CADPS2: variants seen among roughly 807,000 people sequenced by gnomAD.
CADPS2 encodes calcium dependent secretion activator 2.
In CADPS2, 93 loss-of-function variants were observed where a neutral mutation model predicts 172.5. The ratio of observed to expected loss-of-function variants is 0.54; its 90% CI spans 0.46 to 0.64. The LOEUF (loss-of-function observed/expected upper bound fraction) is 0.64. Among genes scored for constraint, CADPS2 ranks in the 30% least tolerant of loss-of-function variants. The pLI, the probability that CADPS2 is intolerant of heterozygous loss-of-function variation, is 0.00. For synonymous variants in CADPS2, 546 were observed against 555.2 expected, an observed-to-expected ratio of 0.98 and a Z score of 0.23; for missense variants, 1,420 against 1,565.9, an observed-to-expected ratio of 0.91 and a Z score of 1.57.
In CADPS2 at chr7:122,373,632, G is replaced by A. The variant is rs139775715; in HGVS notation, c.3387+5736C>T. Reference sequence around the variant, plus strand: ...AAAAGGTCACTGTTTTTCCAAAGGTGCAGATACCAATGTAAGGCTACAGGG... The same window carrying A: ...AAAAGGTCACTGTTTTTCCAAAGGTACAGATACCAATGTAAGGCTACAGGG... On this transcript the variant is annotated intron_variant, in intron 25 of 29. Transcript: ENST00000449022. Among the ~76,000 whole-genome samples, 182 of 152,194 alleles carry A rather than the reference G, an allele frequency of 1.2e-3. 1 individual carries two copies. Among genetic ancestry groups the A allele is most frequent in the African/African-American group, 4.3e-3 (177 of 41,524 alleles).
intron 2 of CADPS2, chr7:122,698,465 C>A (rs2085489120): frequency 6.2e-7 from 1 of 1,613,784 alleles, no homozygotes; most frequent in Non-Finnish European, 8.5e-7. Flanking sequence ...ATCATAACCA[C>A]AACGACATCT....
intron 13 of CADPS2, among the ~76,000 whole-genome samples, chr7:122,473,548 C>A (rs184673837): frequency 4.6e-4 from 70 of 152,246 alleles, no homozygotes; most frequent in Admixed American, 3.2e-3. Flanking sequence ...TGAAACAGTT[C>A]TGGTCCCAAG....
At chr7:122,482,594 T>G (rs2057417659) in intron 11 of CADPS2, among the ~76,000 whole-genome samples, 1 of 151,994 alleles carries the variant, frequency 6.6e-6, no homozygotes, top group Non-Finnish European at 1.5e-5. Flanking sequence ...TTACAAAAAG[T>G]TTATTAAACG....
At chr7:122,357,875 C>T (rs1041022291) in intron 27 of CADPS2, among the ~76,000 whole-genome samples, 4 of 152,062 alleles carry the variant, frequency 2.6e-5, no homozygotes, top group South Asian at 2.1e-4. Flanking sequence ...TATACATTGA[C>T]GTACTACAGG....
chr7:122,328,406 C>T (rs887541735), intron 28 of CADPS2: 1 of 152,072 alleles, frequency 6.6e-6, no homozygotes, highest in Non-Finnish European at 1.5e-5. Flanking sequence ...TTAGAAAGTG[C>T]CTTTTCACTT....
rs1304788926 is a variant in CADPS2 at position 122,482,355 on chromosome 7, G to A, written c.1853-1495C>T. On this transcript the variant is annotated intron_variant, in intron 11 of 29. Coordinates refer to ENST00000449022, the MANE Select transcript of CADPS2 (RefSeq NM_017954.11). ...ACCTGGGACCAGGTGGGAGACTATT[G>A]ATACCTAGTGGGTAGAGGACAGGGG... Among the ~76,000 whole-genome samples the A allele has an allele frequency of 2.0e-5, 3 of 152,088 alleles. No individual in the cohort carries two copies. The East Asian group carries it at 5.8e-4, about 29-fold the overall frequency.
chr7:122,619,368 G>T (rs1204520541), intron 5 of CADPS2, among the ~76,000 whole-genome samples: 1 of 151,100 alleles, frequency 6.6e-6, no homozygotes, highest in Non-Finnish European at 1.5e-5. Flanking sequence ...TCTCAAGCCT[G>T]TAATCCTAGC....
chr7:122,326,355 A>C (rs1409683848), intron 28 of CADPS2, among the ~76,000 whole-genome samples: 1 of 152,072 alleles, frequency 6.6e-6, no homozygotes, highest in Non-Finnish European at 1.5e-5. Context: ...TTCTTCTTTA[A>C]TGCAATTTTC....
chr7:122,419,823 C>T (rs1291641731), intron 17 of CADPS2, among the ~76,000 whole-genome samples: 1 of 150,932 alleles, frequency 6.6e-6, no homozygotes, highest in African/African-American at 2.5e-5. Context: ...TTTATTTCTC[C>T]TACATACTTC....
intron 20 of CADPS2, among the ~76,000 whole-genome samples, chr7:122,400,863 T>G (rs1452287456): frequency 6.6e-6 from 1 of 152,244 alleles, no homozygotes; most frequent in South Asian, 2.1e-4. Context: ...CCTTCCATAT[T>G]TCAAAGCTTG....
chr7:122,849,787 G>C (rs1813024207), intron 1 of CADPS2: 1 of 500,378 alleles, frequency 2.0e-6, no homozygotes, highest in African/African-American at 2.0e-5. Context: ...CCAGCCCCCA[G>C]CCCTCTCCCT....
chr7:122,380,149 T>TG (rs1491243546), intron 24 of CADPS2, among the ~76,000 whole-genome samples: 1 of 149,708 alleles, frequency 6.7e-6, no homozygotes, highest in East Asian at 2.0e-4. Context: ...CCTGAAAGAC[T>TG]TTTTTTTTTC....
At chr7:122,720,956 G>A (rs185308171) in intron 2 of CADPS2, among the ~76,000 whole-genome samples, 21 of 152,078 alleles carry the variant, frequency 1.4e-4, no homozygotes, top group East Asian at 5.8e-4. Context: ...TGTGCCAGGC[G>A]TTGTGTTAAT....
chr7:122,650,445 T>C (rs1367603747), intron 3 of CADPS2, among the ~76,000 whole-genome samples: 1 of 152,116 alleles, frequency 6.6e-6, no homozygotes, highest in Non-Finnish European at 1.5e-5. Context: ...GTGATCTCTT[T>C]GTAAAGCTGT....
At chr7:122,668,919 T>TG (rs2081472810) in intron 2 of CADPS2, among the ~76,000 whole-genome samples, 1 of 152,216 alleles carries the variant, frequency 6.6e-6, no homozygotes, top group Non-Finnish European at 1.5e-5. Flanking sequence ...TCATCTGACA[T>TG]GCATTTATTG....
intron 22 of CADPS2, among the ~76,000 whole-genome samples, chr7:122,392,085 A>G (rs1409460354): frequency 6.6e-6 from 1 of 152,116 alleles, no homozygotes; most frequent in Non-Finnish European, 1.5e-5. Flanking sequence ...ATCTCAATAA[A>G]TGGAAGCTAT....
At chr7:122,349,780 ATGCTGCAAACGCTCTTGCTTCC>A (rs1274139098) in intron 27 of CADPS2, among the ~76,000 whole-genome samples, 17 of 152,194 alleles carry the variant, frequency 1.1e-4, no homozygotes, top group African/African-American at 3.9e-4. Context: ...TGTTAATTAT[ATGCTGCAAACGCTCTTGCTTCC>A]TGCTGCTACA....
intron 1 of CADPS2, among the ~76,000 whole-genome samples, chr7:122,871,575 A>C (rs1012248243): frequency 2.0e-5 from 3 of 152,096 alleles, no homozygotes; most frequent in African/African-American, 7.2e-5. Context: ...TAAAGAAAGA[A>C]AGGCTAGATT....
At chr7:122,872,088 G>A (rs1227706762) in intron 1 of CADPS2, among the ~76,000 whole-genome samples, 2 of 152,064 alleles carry the variant, frequency 1.3e-5, no homozygotes, top group African/African-American at 2.4e-5. Context: ...GGATCACAAA[G>A]TTAACATCTT....
Sources: allele counts gnomAD v4.1 joint callset (sites outside exome capture counted in the v4.1 genomes callset), GRCh38; gene constraint gnomAD v4.1.1; transcripts MANE v1.5; gene names NCBI Gene and HGNC (gene_info 2026-07-23, HGNC 2026-07-21).